The following RBFOX1 variants were observed in gnomAD, a reference collection of about 807,000 sequenced individuals.
The protein encoded by RBFOX1 is RNA binding fox-1 homolog 1.
Under a neutral mutation model 57.7 loss-of-function variants are expected in RBFOX1, and 8 were observed. That is an observed-to-expected ratio of 0.14 (90% CI 0.08 to 0.25). RBFOX1 has a LOEUF of 0.25. Ranked by LOEUF, RBFOX1 falls within the 10% of genes least tolerant of loss-of-function variation. The probability of loss-of-function intolerance (pLI) is 1.00; values close to 1 mark genes in which losing one functional copy is unlikely to be tolerated. For synonymous variants in RBFOX1, 326 were observed against 222.4 expected, an observed-to-expected ratio of 1.47 and a Z score of -4.15; for missense variants, 611 against 548.5, an observed-to-expected ratio of 1.11 and a Z score of -1.14.
intron 2 of RBFOX1, among the ~76,000 whole-genome samples, chr16:5,522,720 A>G (rs2044069431): frequency 6.6e-6 from 1 of 152,146 alleles, no homozygotes; most frequent in African/African-American, 2.4e-5. Flanking sequence ...CACCTCTGGT[A>G]TCTATGATTC....
At position 5,767,197 on chromosome 16, in the gene RBFOX1, C is replaced by A. The variant is rs369270502; in HGVS notation, c.319-100106C>A. On this transcript the variant is annotated intron_variant, in intron 3 of 19. Coordinates refer to the RBFOX1 transcript ENST00000641259. ...GAGGGATAGCTTGGTAGAAATACCA[C>A]AGAAGTAATAAAGAATCTACAAGAC... 1.1e-4 allele frequency among the ~76,000 whole-genome samples: 16 copies of A among 152,334 alleles called. No homozygotes were observed. The East Asian group carries it at 2.1e-3, about 20-fold the overall frequency.
chr16:6,582,682 AT>A (rs1355474766), intron 2 of RBFOX1, among the ~76,000 whole-genome samples: 4 of 149,732 alleles, frequency 2.7e-5, no homozygotes, highest in Non-Finnish European at 4.4e-5. Context: ...TCCCTCCACC[AT>A]TTCTCTCTTC....
chr16:7,703,996 T>G (rs1457937402), intron 14 of RBFOX1, among the ~76,000 whole-genome samples: 1 of 152,210 alleles, frequency 6.6e-6, no homozygotes, highest in African/African-American at 2.4e-5. Context: ...ATCTCCTCTA[T>G]CTGTAGGTGG....
At chr16:5,817,039 A>C (rs2055667298) in intron 3 of RBFOX1, among the ~76,000 whole-genome samples, 1 of 152,074 alleles carries the variant, frequency 6.6e-6, no homozygotes, top group African/African-American at 2.4e-5. Flanking sequence ...AGATCCACCC[A>C]CCTCCAGTAA....
chr16:5,541,108 C>T (rs2044929766), intron 2 of RBFOX1, among the ~76,000 whole-genome samples: 1 of 152,114 alleles, frequency 6.6e-6, no homozygotes, highest in African/African-American at 2.4e-5. Flanking sequence ...CCTGGGCCTC[C>T]CAAAGTGCTG....
At chr16:5,558,244 A>C (rs928482823) in intron 2 of RBFOX1, among the ~76,000 whole-genome samples, 1 of 152,176 alleles carries the variant, frequency 6.6e-6, no homozygotes, top group Non-Finnish European at 1.5e-5. Context: ...GAGCTGATTA[A>C]CACACAAGCT....
At chr16:7,468,248 T>G (rs111527878) in intron 4 of RBFOX1, among the ~76,000 whole-genome samples, 10 of 152,204 alleles carry the variant, frequency 6.6e-5, no homozygotes, top group African/African-American at 2.4e-4. Context: ...CCGCCCGACC[T>G]TTACCATTGG....
chr16:7,227,741 C>G (rs1465320473), intron 4 of RBFOX1, among the ~76,000 whole-genome samples: 1 of 152,198 alleles, frequency 6.6e-6, no homozygotes, highest in East Asian at 1.9e-4. Flanking sequence ...CACGCAGCAC[C>G]TGGCCTAGGC....
intron 1 of RBFOX1, among the ~76,000 whole-genome samples, chr16:5,350,313 C>T (rs944408320): frequency 1.3e-5 from 2 of 152,044 alleles, no homozygotes; most frequent in Non-Finnish European, 2.9e-5. Flanking sequence ...CTGTTGGCTG[C>T]CTGGTGGTCA....
rs185776985 is a variant in RBFOX1 at position 7,686,018 on chromosome 16, C to T, written c.995+9180C>T. On this transcript the variant is annotated intron_variant, in intron 14 of 15. Coordinates refer to ENST00000550418, the MANE Select transcript of RBFOX1 (RefSeq NM_018723.4). ...TGAGCTAGTTGACCCTCAACTGCCTCATCTATAAAGTGGGATTAATGGATG... is the reference window on the plus strand; with the variant it reads ...TGAGCTAGTTGACCCTCAACTGCCTTATCTATAAAGTGGGATTAATGGATG... 2.1e-3 allele frequency among the ~76,000 whole-genome samples: 316 copies of T among 152,124 alleles called. 2 individuals carry two copies. Among genetic ancestry groups the T allele is most frequent in the African/African-American group, 7.2e-3 (300 of 41,518 alleles).
intron 1 of RBFOX1, among the ~76,000 whole-genome samples, chr16:6,110,561 A>C (rs1230711935): frequency 6.6e-6 from 1 of 152,016 alleles, no homozygotes; most frequent in African/African-American, 2.4e-5. Flanking sequence ...AAAAAACAAA[A>C]CCCTCCAATT....
intron 3 of RBFOX1, among the ~76,000 whole-genome samples, chr16:7,010,087 A>G (rs575282608): frequency 1.1e-4 from 17 of 152,310 alleles, no homozygotes; most frequent in African/African-American, 3.8e-4. Context: ...GTTAACTTCT[A>G]TAACGGTTTG....
chr16:6,950,616 T>G (rs1347237502), intron 3 of RBFOX1, among the ~76,000 whole-genome samples: 4 of 152,186 alleles, frequency 2.6e-5, no homozygotes, highest in African/African-American at 9.7e-5. Context: ...ATGCAGGTGC[T>G]GTGTGCCTTA....
At chr16:7,027,970 C>T (rs994323363) in intron 3 of RBFOX1, among the ~76,000 whole-genome samples, 1 of 150,904 alleles carries the variant, frequency 6.6e-6, no homozygotes, top group Non-Finnish European at 1.5e-5. Flanking sequence ...AAGGAAGAAA[C>T]AAGGGTGGAA....
At chr16:7,185,194 C>T (rs931819794) in intron 4 of RBFOX1, among the ~76,000 whole-genome samples, 2 of 150,312 alleles carry the variant, frequency 1.3e-5, no homozygotes, top group Non-Finnish European at 3.0e-5. Context: ...TCACATTATA[C>T]CTCTCTCTCT....
chr16:7,479,147 A>C (rs998212083), intron 4 of RBFOX1, among the ~76,000 whole-genome samples: 1 of 150,354 alleles, frequency 6.7e-6, no homozygotes, highest in East Asian at 2.0e-4. Context: ...TTTTAGGGAC[A>C]GGGTCTCGGT....
intron 4 of RBFOX1, among the ~76,000 whole-genome samples, chr16:5,959,669 A>G (rs996854259): frequency 6.6e-6 from 1 of 152,246 alleles, no homozygotes; most frequent in African/African-American, 2.4e-5. Flanking sequence ...AGTTTTCACC[A>G]GAAAACAGAA....
chr16:7,026,052 C>G (rs535264551), intron 3 of RBFOX1, among the ~76,000 whole-genome samples: 40 of 152,276 alleles, frequency 2.6e-4, no homozygotes, highest in African/African-American at 7.7e-4. Flanking sequence ...AACAAAAGGA[C>G]TAGCGCAGCT....
chr16:6,473,292 G>C (rs1425154636), intron 2 of RBFOX1, among the ~76,000 whole-genome samples: 1 of 152,108 alleles, frequency 6.6e-6, no homozygotes, highest in South Asian at 2.1e-4. Flanking sequence ...CATTTTTGTA[G>C]TTCTGTAGTA....
Sources: gnomAD v4.1 joint callset for allele counts (sites outside exome capture counted in the v4.1 genomes callset) on GRCh38, gnomAD v4.1.1 for gene constraint, MANE v1.5 for transcripts, NCBI Gene and HGNC (gene_info 2026-07-23, HGNC 2026-07-21) for gene names.